Variants in CRACD observed in about 807,000 individuals in gnomAD.
CRACD encodes the protein capping protein inhibiting regulator of actin dynamics.
In CRACD, 56 loss-of-function variants were observed where a neutral mutation model predicts 106.8. The observed-to-expected ratio is 0.52, with a 90% CI of 0.42 to 0.66. The LOEUF (loss-of-function observed/expected upper bound fraction) is 0.66. Ranked by LOEUF, CRACD falls within the 30% of genes least tolerant of loss-of-function variation. CRACD has a pLI of 0.00. For synonymous variants in CRACD, 754 were observed against 670.8 expected (o/e 1.12, Z -1.92); for missense variants, 1,730 against 1,623.2 (o/e 1.07, Z -1.13).
intron 2 of CRACD, among the ~76,000 whole-genome samples, chr4:56,264,074 C>A (rs1741860614): frequency 2.6e-5 from 4 of 152,096 alleles, no homozygotes; most frequent in Non-Finnish European, 4.4e-5. Context: ...GGGAAGCAGG[C>A]ACATCTTCAC....
intron 1 of CRACD, among the ~76,000 whole-genome samples, chr4:56,169,341 A>G (rs1302814037): frequency 6.6e-6 from 1 of 152,134 alleles, no homozygotes; most frequent in East Asian, 1.9e-4. Flanking sequence ...TTTATCATCT[A>G]ATCAGGAGCT....
intron 1 of CRACD, among the ~76,000 whole-genome samples, chr4:56,175,153 A>C (rs1560472229): frequency 6.6e-6 from 1 of 152,122 alleles, no homozygotes; most frequent in African/African-American, 2.4e-5. Context: ...TATCTGTTTG[A>C]TACACTGATG....
chr4:56,310,771 C>T, intron 6 of CRACD, 37 bp downstream of exon 6: 1 of 1,379,788 alleles, frequency 7.2e-7, no homozygotes, highest in Non-Finnish European at 1.0e-6. Flanking sequence ...GGCTTCTTTC[C>T]TTACTTAACT....
rs538379546 is a variant in CRACD, at chr4:56,328,338, C to G, written c.*534C>G. 2 of 518,950 alleles carry G rather than the reference C, an allele frequency of 3.9e-6. No individual in the cohort carries two copies. The highest frequency in any genetic ancestry group is 5.4e-5 in the East Asian group (1 of 18,352). 32.1% of individuals were successfully genotyped at this position (518,950 alleles called of 1,614,324 possible). A position where few individuals can be genotyped will look rare whatever the true frequency, so the allele number is the denominator to read the frequency against. On this transcript the variant is annotated 3_prime_UTR_variant, in exon 11 of 11. Coordinates refer to ENST00000682029, the MANE Select transcript of CRACD (RefSeq NM_001393381.1). ...GTAATTGGGAATCACAAGGAACATT[C>G]TGGCACCCAACTGTGCCCATCTTAG...
chr4:56,105,270 G>A (rs530662571), intron 1 of CRACD, among the ~76,000 whole-genome samples: 27 of 152,314 alleles, frequency 1.8e-4, no homozygotes, highest in African/African-American at 6.3e-4. Context: ...AGGCCAAGGC[G>A]GGTGGATCAC....
At chr4:56,182,602 A>C (rs1736878790) in intron 2 of CRACD, among the ~76,000 whole-genome samples, 1 of 152,092 alleles carries the variant, frequency 6.6e-6, no homozygotes. Flanking sequence ...GCCCTGACAC[A>C]GGGTAGGAGT....
chr4:56,136,866 G>T (rs1235459239), intron 1 of CRACD, among the ~76,000 whole-genome samples: 2 of 152,104 alleles, frequency 1.3e-5, no homozygotes, highest in Admixed American at 1.3e-4. Flanking sequence ...ATTTTTTCTA[G>T]AAGTTTTATA....
chr4:56,116,291 G>C (rs1458753529), intron 1 of CRACD, among the ~76,000 whole-genome samples: 11 of 152,144 alleles, frequency 7.2e-5, no homozygotes, highest in Non-Finnish European at 1.6e-4. Flanking sequence ...ATAAATGGAA[G>C]AATTTTTTCT....
chr4:56,202,238 T>C (rs1267519391), intron 2 of CRACD, among the ~76,000 whole-genome samples: 1 of 152,232 alleles, frequency 6.6e-6, no homozygotes, highest in Non-Finnish European at 1.5e-5. Flanking sequence ...TTCTTTTTCC[T>C]GTTTTTCAAG....
intron 1 of CRACD, among the ~76,000 whole-genome samples, chr4:56,178,543 G>T (rs556374869): frequency 6.6e-6 from 1 of 152,280 alleles, no homozygotes; most frequent in African/African-American, 2.4e-5. Flanking sequence ...TGAGAAATTG[G>T]TCTGCTAGAA....
chr4:56,261,550 A>G (rs1269747220), intron 2 of CRACD, among the ~76,000 whole-genome samples: 1 of 151,780 alleles, frequency 6.6e-6, no homozygotes, highest in African/African-American at 2.4e-5. Flanking sequence ...GGGTTTTACT[A>G]TGTTGGCCAG....
chr4:56,175,247 A>ATACTGTTG (rs1330647886), intron 1 of CRACD, among the ~76,000 whole-genome samples: 1 of 152,228 alleles, frequency 6.6e-6, no homozygotes, highest in Non-Finnish European at 1.5e-5. Context: ...AGGAACCTCC[A>ATACTGTTG]TACTGTTGTC....
intron 1 of CRACD, among the ~76,000 whole-genome samples, chr4:56,174,903 G>T (rs2109427552): frequency 1.3e-5 from 2 of 152,318 alleles, no homozygotes; most frequent in South Asian, 4.1e-4. Context: ...ATGACAGAAG[G>T]TGAAGGGGAA....
At chr4:56,221,724 T>G (rs1217291131) in intron 2 of CRACD, among the ~76,000 whole-genome samples, 2 of 151,728 alleles carry the variant, frequency 1.3e-5, no homozygotes, top group Non-Finnish European at 1.5e-5. Flanking sequence ...AGTGGGCAAA[T>G]GACATGAACA....
intron 2 of CRACD, among the ~76,000 whole-genome samples, chr4:56,206,676 T>G (rs1278741741): frequency 6.6e-6 from 1 of 152,208 alleles, no homozygotes; most frequent in Non-Finnish European, 1.5e-5. Flanking sequence ...TGGTTTTGTC[T>G]GTCGGGGCCT....
intron 4 of CRACD, among the ~76,000 whole-genome samples, chr4:56,302,276 A>C (rs1415000153): frequency 1.3e-5 from 2 of 152,218 alleles, no homozygotes; most frequent in Non-Finnish European, 2.9e-5. Flanking sequence ...CATTCCCTAC[A>C]GCTGCCCACC....
At chr4:56,089,711 T>C (rs897611174) in intron 1 of CRACD, among the ~76,000 whole-genome samples, 3 of 151,736 alleles carry the variant, frequency 2.0e-5, no homozygotes, top group African/African-American at 7.3e-5. Flanking sequence ...GCGGGATTTC[T>C]CTGGTTGGTC....
chr4:56,294,222 TAA>T (rs34697625), intron 3 of CRACD, among the ~76,000 whole-genome samples: 17 of 142,144 alleles, frequency 1.2e-4, no homozygotes, highest in Non-Finnish European at 1.2e-4. Flanking sequence ...GACCCTGTCT[TAA>T]AAAAAAAAAA....
At chr4:56,063,466 A>G (rs1005432014) in intron 1 of CRACD, among the ~76,000 whole-genome samples, 3 of 152,220 alleles carry the variant, frequency 2.0e-5, no homozygotes, top group African/African-American at 7.2e-5. Context: ...TCAAGCAGGC[A>G]TCACCACTGT....
Sources: allele counts gnomAD v4.1 joint callset (sites outside exome capture counted in the v4.1 genomes callset), GRCh38; gene constraint gnomAD v4.1.1; transcripts MANE v1.5; gene names NCBI Gene and HGNC (gene_info 2026-07-23, HGNC 2026-07-21).